Variants in SLC24A1 observed in about 807,000 individuals in gnomAD.
SLC24A1 encodes the protein sodium/potassium/calcium exchanger 1.
In SLC24A1, 52 loss-of-function variants were observed where a neutral mutation model predicts 88.1. The ratio of observed to expected loss-of-function variants is 0.59; its 90% confidence interval spans 0.47 to 0.74. The LOEUF is 0.74. SLC24A1 is among the 30% of genes least tolerant of loss of function. The probability of loss-of-function intolerance (pLI) is 0.00; values close to 1 mark genes in which losing one functional copy is unlikely to be tolerated. For missense variants in SLC24A1, 1,173 were observed against 1,363.3 expected (o/e 0.86, Z 2.20); for synonymous variants, 455 against 498.0 (o/e 0.91, Z 1.15).
upstream of SLC24A1, among the ~76,000 whole-genome samples, chr15:65,620,608 G>T (rs946948740): frequency 2.0e-5 from 3 of 152,136 alleles, no homozygotes; most frequent in Admixed American, 6.5e-5. Context: ...TAAGACAGAA[G>T]AAACTGGGTT....
chr15:65,648,058 A>G (rs2075366410), intron 6 of SLC24A1, among the ~76,000 whole-genome samples: 2 of 152,302 alleles, frequency 1.3e-5, no homozygotes, highest in South Asian at 4.1e-4. Flanking sequence ...CAGGAGATCG[A>G]GACCATCCTG....
At chr15:65,613,740 C>T (rs2074049745) in intron 2 of SLC24A1, among the ~76,000 whole-genome samples, 1 of 152,054 alleles carries the variant, frequency 6.6e-6, no homozygotes, top group Non-Finnish European at 1.5e-5. Flanking sequence ...CCCTCCTTGG[C>T]CTCCCAAAGT....
chr15:65,660,174 G>A (rs1596369345), downstream of SLC24A1: 2 of 724,154 alleles, frequency 2.8e-6, no homozygotes, highest in East Asian at 5.4e-5. Context: ...TATTTACAAA[G>A]GAGAGGCAGA....
chr15:65,639,295 G>A (rs1355353236), intron 3 of SLC24A1, among the ~76,000 whole-genome samples: 2 of 152,204 alleles, frequency 1.3e-5, no homozygotes, highest in Admixed American at 1.3e-4. Flanking sequence ...GGGTGTACTT[G>A]CAGGGATGTG....
chr15:65,651,612 G>A, intron 7 of SLC24A1, 58 bp from the exon 8 acceptor site: 1 of 883,124 alleles, frequency 1.1e-6, no homozygotes, highest in Non-Finnish European at 1.9e-6. Flanking sequence ...GCTCAGAAGG[G>A]CCAAAGACCT....
upstream of SLC24A1, among the ~76,000 whole-genome samples, chr15:65,620,014 C>A (rs2074269447): frequency 1.3e-5 from 2 of 151,610 alleles, no homozygotes. Flanking sequence ...TAGCTCAGGG[C>A]CCCCATCTCT....
intron 2 of SLC24A1, among the ~76,000 whole-genome samples, chr15:65,636,860 AAATAATAATAATAAT>A (rs59545207): frequency 2.8e-5 from 4 of 143,312 alleles, no homozygotes; most frequent in Non-Finnish European, 4.5e-5. Context: ...CTCTGTCTCA[AAATAATAATAATAAT>A]AATAATAATA....
chr15:65,611,492 G>A lies in SLC24A1; in HGVS notation c.-537G>A, dbSNP rs1251843104. On this transcript the variant is annotated 5_prime_UTR_variant, in exon 1 of 12. Transcript: ENST00000537259. ...GGGCCTCACCTGGCCCGGTGACTCT[G>A]TGTCCGCTTCACACTTTTGTCCCCT... 8 of 421,684 alleles carry A rather than the reference G, an allele frequency of 1.9e-5. No homozygotes were observed. The East Asian group carries it at 2.2e-4, about 12-fold the overall frequency. 26.1% of individuals were successfully genotyped at this position (421,684 alleles called of 1,614,324 possible).
At chr15:65,635,471 GAAAA>G (rs1019171783) in intron 2 of SLC24A1, among the ~76,000 whole-genome samples, 1 of 92,938 alleles carries the variant, frequency 1.1e-5, no homozygotes, top group African/African-American at 4.5e-5. Flanking sequence ...AAAAAAAAAA[GAAAA>G]AAAAAGAAAG....
At chr15:65,644,032 T>C (rs2075222298) in intron 4 of SLC24A1, 1 of 214,186 alleles carries the variant, frequency 4.7e-6, no homozygotes, top group South Asian at 8.9e-5. Context: ...TCAATCATGG[T>C]ACTTTTCTAC....
chr15:65,625,969 A>G lies in SLC24A1; in HGVS notation c.1889A>G (p.Lys630Arg). 6.2e-7 allele frequency: 1 copy of G among 1,610,814 alleles called. No homozygotes were observed. Among genetic ancestry groups the G allele is most frequent in the African/African-American group, 1.3e-5 (1 of 75,024 alleles). The change falls in exon 2 of 10, where the codon AAG (lysine) becomes AGG (arginine). Residue 630 changes from lysine (K) to arginine (R), a missense_variant and splice_region_variant. Transcript: ENST00000261892. ...GTCATGGCCTTAGAAGACCTCAGCA[A>G]GGTAAGGACAAATTGGCTCAGGTTT... ...AKVMALEDLS[K>R]PGDGAIAVDE...
chr15:65,635,813 G>A (rs1312073949), intron 2 of SLC24A1, among the ~76,000 whole-genome samples: 1 of 152,090 alleles, frequency 6.6e-6, no homozygotes, highest in Non-Finnish European at 1.5e-5. Flanking sequence ...TTTATTTCAG[G>A]AACCACATTC....
In SLC24A1 at chr15:65,647,525, G is replaced by A. The variant is rs149115462; in HGVS notation, c.2232+1822G>A. On this transcript the variant is annotated intron_variant, in intron 6 of 9. Transcript: ENST00000261892. ...GAGAGAGACAGAGAGAGAAAGAATC[G>A]GTTCAACCCAGCTCCTTGGTCAAGA... 8.6e-3 allele frequency among the ~76,000 whole-genome samples: 1,297 copies of A among 150,420 alleles called. 16 individuals are homozygous for A. Among genetic ancestry groups the A allele is most frequent in the South Asian group, 0.041 (192 of 4,676 alleles).
At chr15:65,614,091 T>A (rs944866496) in intron 2 of SLC24A1, among the ~76,000 whole-genome samples, 6 of 152,050 alleles carry the variant, frequency 3.9e-5, no homozygotes, top group Non-Finnish European at 5.9e-5. Context: ...TGAAAAAAAA[T>A]TTTATTATGG....
In SLC24A1 at chr15:65,625,077, C is replaced by T. The variant is rs1596307844; in HGVS notation, c.997C>T (p.Pro333Ser). 1.9e-6 allele frequency: 3 copies of T among 1,613,564 alleles called. No individual in the cohort carries two copies. In the African/African-American group the frequency reaches 4.0e-5, roughly 22 times the overall value. Reference sequence around the variant, plus strand: ...AATAAGCACCATGACAGGCAGCAGCCCAGCAGAAACCAAAGCCTTCACTGC... The same window carrying T: ...AATAAGCACCATGACAGGCAGCAGCTCAGCAGAAACCAAAGCCTTCACTGC... ...VTISTMTGSS[P>S]AETKAFTAAW... Residue 333 changes from proline to serine, a missense_variant, in exon 2 of 10, where the codon CCA becomes TCA. Physicochemically the swap from Pro to Ser is moderately conservative, Grantham distance 74 (BLOSUM62 -1). Transcript: ENST00000261892.
chr15:65,657,428 T>C (rs933537027), downstream of SLC24A1, among the ~76,000 whole-genome samples: 4 of 151,336 alleles, frequency 2.6e-5, no homozygotes, highest in African/African-American at 9.7e-5. Context: ...GATCACGAGG[T>C]CAGTAGATCG....
In SLC24A1 at chr15:65,650,610, ATGAAAGGTAATGAAGGTGAAAC is replaced by A; in HGVS notation, c.2468_2489del (p.Gly823AlafsTer19). The A allele has an allele frequency of 1.3e-6, 2 of 1,551,836 alleles. No homozygotes were observed. On this transcript the variant is annotated frameshift_variant, in exon 7 of 10. Coordinates refer to ENST00000261892, the MANE Select transcript of SLC24A1 (RefSeq NM_004727.3). LOFTEE classifies it high-confidence loss of function. This position sits in a 1 kb window ranked among gnomAD's most constrained non-coding sequence, Gnocchi z 4.1. Reference sequence around the variant, plus strand: ...TGAAATCCACGCAGAAGATGGTGAAATGAAAGGTAATGAAGGTGAAACTGAAAGCCAGGAACTCAGTGCTGAA... The same window carrying A: ...TGAAATCCACGCAGAAGATGGTGAAATGAAAGCCAGGAACTCAGTGCTGAA...
downstream of SLC24A1, chr15:65,656,398 G>A: frequency 7.7e-6 from 2 of 259,834 alleles, no homozygotes; most frequent in Non-Finnish European, 1.2e-5. Context: ...GGAATTCACT[G>A]GGGGAGAGAG....
At chr15:65,613,341 T>A (rs895427087) in intron 2 of SLC24A1, among the ~76,000 whole-genome samples, 2 of 152,130 alleles carry the variant, frequency 1.3e-5, no homozygotes, top group African/African-American at 4.8e-5. Context: ...ACTGGGGAGC[T>A]CAAAGGGAAG....
Sources: gnomAD v4.1 joint callset for allele counts (sites outside exome capture counted in the v4.1 genomes callset) on GRCh38, gnomAD v4.1.1 for gene constraint, Gnocchi (gnomAD v3.1) non-coding constraint, MANE v1.5 for transcripts, NCBI Gene and HGNC (gene_info 2026-07-23, HGNC 2026-07-21) for gene names.